Variants in KLHL13 observed in about 807,000 individuals in gnomAD.
KLHL13 encodes kelch-like protein 13.
Under a neutral mutation model 37.1 loss-of-function variants are expected in KLHL13, and 10 were observed. The ratio of observed to expected loss-of-function variants is 0.27; its 90% CI spans 0.17 to 0.46. KLHL13 has a LOEUF of 0.46. KLHL13 is among the 20% of genes least tolerant of loss of function. KLHL13 has a pLI of 1.00. For synonymous variants in KLHL13, 163 were observed against 181.2 expected, an observed-to-expected ratio of 0.90 and a Z score of 0.81; for missense variants, 360 against 509.3, an observed-to-expected ratio of 0.71 and a Z score of 2.82.
rs1369326527 is a variant in KLHL13 at position 117,936,647 on chromosome X, G to A, written c.240+8787C>T. ...CCTCACTGTTCTGCTCTGTCTAGGT[G>A]AGACTTAAAGAGAAAGAGGAAAGAC... On this transcript the variant is annotated intron_variant, in intron 2 of 6. Coordinates refer to ENST00000262820, the Ensembl canonical transcript of KLHL13. 3.6e-5 allele frequency among the ~76,000 whole-genome samples: 4 copies of A among 110,540 alleles called. No individual in the cohort carries two copies. The South Asian group carries it at 1.2e-3, about 33-fold the overall frequency.
At chrX:118,034,306 C>T (rs1242718274) in intron 1 of KLHL13, among the ~76,000 whole-genome samples, 9 of 102,081 alleles carry the variant, frequency 8.8e-5, no homozygotes, top group African/African-American at 3.5e-4. Flanking sequence ...CAGCACCACA[C>T]CACACCTATT....
intron 1 of KLHL13, among the ~76,000 whole-genome samples, chrX:118,093,335 CACAT>C: frequency 8.9e-6 from 1 of 111,822 alleles, no homozygotes; most frequent in Non-Finnish European, 1.9e-5. Context: ...GCTTAACACT[CACAT>C]ACACTACTTT....
chrX:117,969,557 T>C (rs1233772987), intron 1 of KLHL13, among the ~76,000 whole-genome samples: 1 of 111,124 alleles, frequency 9.0e-6, no homozygotes, highest in South Asian at 3.8e-4. Context: ...TTGAACAGAG[T>C]GCAAAGCAAA....
intron 1 of KLHL13, chrX:118,028,469 T>A (rs2054298055): frequency 9.0e-7 from 1 of 1,115,666 alleles, no homozygotes; most frequent in Non-Finnish European, 1.2e-6. Flanking sequence ...ATGCAGATGA[T>A]CCATCACCTC....
intron 1 of KLHL13, among the ~76,000 whole-genome samples, chrX:118,005,494 T>C (rs926738743): frequency 9.0e-6 from 1 of 111,341 alleles, no homozygotes; most frequent in Non-Finnish European, 1.9e-5. Flanking sequence ...TAGCAAGAGA[T>C]GATGCAGGTG....
chrX:118,070,192 C>G (rs781263923), intron 1 of KLHL13, among the ~76,000 whole-genome samples: 1 of 112,060 alleles, frequency 8.9e-6, no homozygotes, highest in East Asian at 2.8e-4. Context: ...CCTAAGGATG[C>G]ATTTCTCAGA....
intron 1 of KLHL13, among the ~76,000 whole-genome samples, chrX:117,998,431 A>T (rs1168318727): frequency 9.0e-6 from 1 of 111,192 alleles, no homozygotes; most frequent in African/African-American, 3.3e-5. Flanking sequence ...TTGGAATAAC[A>T]GGAAATTGGA....
chrX:117,975,722 A>G (rs1163416854), upstream of KLHL13, among the ~76,000 whole-genome samples: 1 of 111,732 alleles, frequency 8.9e-6, no homozygotes, highest in Non-Finnish European at 1.9e-5. Context: ...AGATCCAAAA[A>G]CCTGTGTAAA....
intron 1 of KLHL13, among the ~76,000 whole-genome samples, chrX:118,002,512 G>A (rs1293198744): frequency 9.2e-6 from 1 of 109,270 alleles, no homozygotes; most frequent in Non-Finnish European, 1.9e-5. Context: ...AGAATTGCTT[G>A]AACCTGGGAG....
chrX:118,032,211 AG>A (rs1242434214), intron 1 of KLHL13, among the ~76,000 whole-genome samples: 21 of 110,256 alleles, frequency 1.9e-4, no homozygotes, highest in African/African-American at 6.3e-4. Context: ...CAAAGCAGCC[AG>A]GAAGCTTGAA....
chrX:118,098,945 G>A (rs1479359984), intron 1 of KLHL13, among the ~76,000 whole-genome samples: 1 of 68,866 alleles, frequency 1.5e-5, no homozygotes, highest in Non-Finnish European at 2.7e-5. Context: ...GAAGGGGGGT[G>A]GGGGAAGGGG....
At chrX:118,056,256 A>C (rs2054683948) in intron 1 of KLHL13, among the ~76,000 whole-genome samples, 1 of 112,393 alleles carries the variant, frequency 8.9e-6, no homozygotes, top group African/African-American at 3.2e-5. Flanking sequence ...TTAACAGAAA[A>C]AGTACAAAAT....
chrX:117,940,768 G>A (rs1367771628), intron 2 of KLHL13, among the ~76,000 whole-genome samples: 1 of 111,613 alleles, frequency 9.0e-6, no homozygotes, highest in Non-Finnish European at 1.9e-5. Flanking sequence ...GTATAGGAAT[G>A]CTTGTGATTT....
At chrX:117,957,885 A>G (rs2053228529) in intron 1 of KLHL13, among the ~76,000 whole-genome samples, 2 of 111,813 alleles carry the variant, frequency 1.8e-5, no homozygotes, top group Admixed American at 1.9e-4. Context: ...AATAAGTCAA[A>G]TAACTCTTAA....
intron 1 of KLHL13, among the ~76,000 whole-genome samples, chrX:118,031,548 A>G (rs2054344788): frequency 1.2e-5 from 1 of 82,139 alleles, no homozygotes. Flanking sequence ...TATTAGTTAT[A>G]TATATATTTA....
rs765974936 is a variant in KLHL13 at position 117,952,002 on chromosome X, C to A, written c.99-6427G>T. Among the ~76,000 whole-genome samples the A allele has an allele frequency of 1.2e-3, 130 of 111,554 alleles. 1 individual carries two copies. The highest frequency in any genetic ancestry group is 1.5e-3 in the Admixed American group (16 of 10,528). ...CCTAAGGTAATTTATAGATTCAATG[C>A]CATCCCCATCAAGCTACCAATGACT... On this transcript the variant is annotated intron_variant, in intron 1 of 6. Transcript: ENST00000262820.
At chrX:118,031,125 C>A (rs1212632110) in intron 1 of KLHL13, among the ~76,000 whole-genome samples, 1 of 110,581 alleles carries the variant, frequency 9.0e-6, no homozygotes, top group Non-Finnish European at 1.9e-5. Flanking sequence ...CACATTCCTG[C>A]CTTCCACAGA....
intron 1 of KLHL13, among the ~76,000 whole-genome samples, chrX:118,002,529 G>A (rs1415176739): frequency 9.2e-6 from 1 of 108,748 alleles, no homozygotes; most frequent in Non-Finnish European, 1.9e-5. Flanking sequence ...GGAGGGGGAG[G>A]TTACGGTGAG....
At chrX:117,960,049 C>T (rs2053267012) in intron 1 of KLHL13, among the ~76,000 whole-genome samples, 1 of 110,580 alleles carries the variant, frequency 9.0e-6, no homozygotes, top group Admixed American at 9.7e-5. Flanking sequence ...TGCTCTAAAA[C>T]ACAATATTTT....
Sources: gnomAD v4.1 joint callset for allele counts (sites outside exome capture counted in the v4.1 genomes callset) on GRCh38, gnomAD v4.1.1 for gene constraint, MANE v1.5 for transcripts, NCBI Gene and HGNC (gene_info 2026-07-23, HGNC 2026-07-21) for gene names.